The following PTCHD4 variants were observed in gnomAD, a reference collection of about 807,000 sequenced individuals.
PTCHD4 encodes patched domain containing 4.
Under a neutral mutation model 58.1 loss-of-function variants are expected in PTCHD4, and 33 were observed. The ratio of observed to expected loss-of-function variants is 0.57; its 90% CI spans 0.43 to 0.76. The LOEUF is 0.76. Ranked by LOEUF, PTCHD4 falls within the 30% of genes least tolerant of loss-of-function variation. The probability of loss-of-function intolerance (pLI) is 0.00; values close to 1 mark genes in which losing one functional copy is unlikely to be tolerated. For missense variants in PTCHD4, 1,058 were observed against 1,027.1 expected, an observed-to-expected ratio of 1.03 and a Z score of -0.41; for synonymous variants, 478 against 409.6, an observed-to-expected ratio of 1.17 and a Z score of -2.02.
chr6:47,899,328 T>G (rs1764625995), intron 4 of PTCHD4, among the ~76,000 whole-genome samples: 1 of 152,204 alleles, frequency 6.6e-6, no homozygotes, highest in African/African-American at 2.4e-5. Flanking sequence ...TCACAGGTGC[T>G]TAGGACATGT....
chr6:48,040,151 A>T (rs1763792691), intron 3 of PTCHD4, among the ~76,000 whole-genome samples: 1 of 152,122 alleles, frequency 6.6e-6, no homozygotes, highest in Non-Finnish European at 1.5e-5. Context: ...AGGTACATGC[A>T]TGAGTTAATC....
rs1318889771 is a variant in PTCHD4 at position 47,866,804 on chromosome 6, C to G, written c.*11499G>C. On this transcript the variant is annotated 3_prime_UTR_variant, in exon 5 of 5. Transcript: ENST00000339488. ...GCTTAAAAACTAAGTGCATATGTAC[C>G]TTATGTGATCTTCAAAGAAAGCATC... is the stretch of plus-strand genomic sequence containing the variant. Among the ~76,000 whole-genome samples the G allele has an allele frequency of 1.3e-5, 2 of 151,630 alleles. No individual in the cohort carries two copies. Among genetic ancestry groups the G allele is most frequent in the African/African-American group, 4.8e-5 (2 of 41,328 alleles).
chr6:47,887,261 G>T (rs545757374), intron 4 of PTCHD4, among the ~76,000 whole-genome samples: 14 of 148,472 alleles, frequency 9.4e-5, no homozygotes, highest in African/African-American at 3.0e-4. Context: ...ATTTTTAATA[G>T]AATTATTTTA....
chr6:48,100,973 T>C (rs1214739259), intron 1 of PTCHD4, among the ~76,000 whole-genome samples: 1 of 151,776 alleles, frequency 6.6e-6, no homozygotes, highest in Non-Finnish European at 1.5e-5. Context: ...AATTTAAAAA[T>C]ACATAAAAAG....
intron 3 of PTCHD4, among the ~76,000 whole-genome samples, chr6:48,036,756 T>A (rs1211697719): frequency 3.3e-5 from 5 of 151,974 alleles, no homozygotes; most frequent in Non-Finnish European, 1.5e-5. Flanking sequence ...AAGAAAAAAG[T>A]CACATGCTAA....
chr6:48,018,118 A>G (rs145169239), intron 3 of PTCHD4, among the ~76,000 whole-genome samples: 52 of 152,342 alleles, frequency 3.4e-4, no homozygotes, highest in African/African-American at 1.2e-3. Flanking sequence ...TCACTTATCC[A>G]TCTAAGATTA....
rs577030042 is a variant in PTCHD4, at chr6:47,866,663, T to G, written c.*11640A>C. Among the ~76,000 whole-genome samples the G allele has an allele frequency of 2.2e-3, 335 of 151,936 alleles. 4 individuals are homozygous for G. The highest frequency in any genetic ancestry group is 7.6e-3 in the African/African-American group (316 of 41,532). On this transcript the variant is annotated 3_prime_UTR_variant, in exon 5 of 5. Coordinates refer to ENST00000339488, the MANE Select transcript of PTCHD4 (RefSeq NM_001384253.1). The stretch of plus-strand genomic sequence containing the variant: ...CTTTTTTCAGGTTTAAAGTTTAAAA[T>G]ATATTCCTCCAAACATCTTGTAATA...
chr6:47,993,609 C>T (rs1394322434), intron 4 of PTCHD4, among the ~76,000 whole-genome samples: 1 of 152,206 alleles, frequency 6.6e-6, no homozygotes, highest in Non-Finnish European at 1.5e-5. Context: ...ACAATGCAGA[C>T]TGCTCCTAAG....
intron 4 of PTCHD4, among the ~76,000 whole-genome samples, chr6:48,002,827 A>G (rs894762177): frequency 1.3e-5 from 2 of 151,906 alleles, no homozygotes; most frequent in Non-Finnish European, 2.9e-5. Flanking sequence ...TCTGTATTGA[A>G]TCTCTTGAAA....
At chr6:48,081,523 G>A (rs930512183) in intron 1 of PTCHD4, among the ~76,000 whole-genome samples, 20 of 152,054 alleles carry the variant, frequency 1.3e-4, no homozygotes, top group Admixed American at 5.2e-4. Flanking sequence ...TTAGACTAGC[G>A]TGAGGATTAA....
chr6:47,902,490 G>A (rs926565771), intron 4 of PTCHD4, among the ~76,000 whole-genome samples: 1 of 152,140 alleles, frequency 6.6e-6, no homozygotes, highest in African/African-American at 2.4e-5. Context: ...ATGCATAAAT[G>A]GGAAAGTTTG....
At position 47,879,426 on chromosome 6, in the gene PTCHD4, A is replaced by C; in HGVS notation, c.1409T>G (p.Ile470Ser). 6.2e-7 allele frequency: 1 copy of C among 1,613,674 alleles called. No individual in the cohort carries two copies. The highest frequency in any genetic ancestry group is 8.5e-7 in the Non-Finnish European group (1 of 1,179,740). ...VKPFVVILYL[I>S]YASFSFMGCL... ...CCCCATGAAGGAGAAGGAGGCATAA[A>C]TGAGATAGAGGATGACAACAAATGG... Residue 470 changes from isoleucine to serine, a missense_variant, in exon 5 of 5, where the codon ATT becomes AGT. By Grantham distance (142) the Ile-to-Ser change is moderately radical. Coordinates refer to ENST00000339488, the MANE Select transcript of PTCHD4 (RefSeq NM_001384253.1).
At chr6:47,889,654 T>C (rs886689598) in intron 4 of PTCHD4, among the ~76,000 whole-genome samples, 3 of 151,634 alleles carry the variant, frequency 2.0e-5, no homozygotes, top group Admixed American at 2.0e-4. Flanking sequence ...TAGCCATATG[T>C]AGAAAGCCGA....
intron 4 of PTCHD4, among the ~76,000 whole-genome samples, chr6:47,970,934 G>A (rs1767483428): frequency 6.6e-6 from 1 of 152,162 alleles, no homozygotes; most frequent in African/African-American, 2.4e-5. Context: ...ACTCAGGTGT[G>A]AATATCAAAC....
At chr6:48,095,852 C>T (rs1487217196) in intron 1 of PTCHD4, among the ~76,000 whole-genome samples, 1 of 151,986 alleles carries the variant, frequency 6.6e-6, no homozygotes, top group Non-Finnish European at 1.5e-5. Context: ...TCTCTGATGT[C>T]AGCTAGGGCT....
In PTCHD4 at chr6:47,864,959, C is replaced by G. The variant is rs560567979; in HGVS notation, c.*13344G>C. On this transcript the variant is annotated 3_prime_UTR_variant, in exon 5 of 5. Coordinates refer to ENST00000339488, the MANE Select transcript of PTCHD4 (RefSeq NM_001384253.1). ...ATAAAAGCATGTGCCTTATACATAA[C>G]TTTCATAGAAGATGACTGCAGAGCA... Among the ~76,000 whole-genome samples, 3 of 151,840 alleles carry G rather than the reference C, an allele frequency of 2.0e-5. No individual in the cohort carries two copies. The highest frequency in any genetic ancestry group is 4.8e-5 in the African/African-American group (2 of 41,394).
intron 4 of PTCHD4, among the ~76,000 whole-genome samples, chr6:47,961,119 A>G (rs897389365): frequency 3.3e-5 from 5 of 152,112 alleles, no homozygotes; most frequent in Admixed American, 3.3e-4. Flanking sequence ...AAATTAAAAA[A>G]AAATTTCAGG....
At chr6:47,945,402 A>C (rs777935205) in intron 4 of PTCHD4, among the ~76,000 whole-genome samples, 33 of 152,102 alleles carry the variant, frequency 2.2e-4, no homozygotes, top group Non-Finnish European at 4.4e-4. Flanking sequence ...CCAGCCTAAG[A>C]AATACTTTAC....
At chr6:48,079,621 A>T (rs956854805) in intron 1 of PTCHD4, among the ~76,000 whole-genome samples, 3 of 151,084 alleles carry the variant, frequency 2.0e-5, no homozygotes, top group African/African-American at 7.3e-5. Context: ...GAGTGTTCTA[A>T]TCTAGTAGGG....
Sources: gnomAD v4.1 joint callset for allele counts (sites outside exome capture counted in the v4.1 genomes callset) on GRCh38, gnomAD v4.1.1 for gene constraint, MANE v1.5 for transcripts, NCBI Gene and HGNC (gene_info 2026-07-23, HGNC 2026-07-21) for gene names.